NTN1: variants seen among roughly 807,000 people sequenced by gnomAD.
NTN1 encodes netrin 1, also known as netrin-1.
A neutral mutation model predicts 54.2 loss-of-function variants in NTN1; 11 were observed. The observed-to-expected ratio is 0.20, with a 90% CI of 0.13 to 0.34. The LOEUF is 0.34. Among genes scored for constraint, NTN1 ranks in the 10% least tolerant of loss-of-function variants. NTN1 has a pLI of 1.00. For missense variants in NTN1, 740 were observed against 893.1 expected (o/e 0.83, Z 2.18); for synonymous variants, 371 against 382.0 (o/e 0.97, Z 0.33).
In NTN1 at chr17:9,165,898, T is replaced by G. The variant is rs2092371719; in HGVS notation, c.1207+2897T>G. On this transcript the variant is annotated intron_variant, in intron 3 of 6. Coordinates refer to ENST00000173229, the MANE Select transcript of NTN1 (RefSeq NM_004822.3). This position sits in a 1 kb window ranked among gnomAD's most constrained non-coding sequence, Gnocchi z 4.5. ...GATTGGCAAGAAAATATCTACTCTCTGATTGGTGAGCAAAAATTTGACCCA... is the reference window on the plus strand; with the variant it reads ...GATTGGCAAGAAAATATCTACTCTCGGATTGGTGAGCAAAAATTTGACCCA... Among the ~76,000 whole-genome samples, 1 of 152,184 alleles carries G rather than the reference T, an allele frequency of 6.6e-6. No homozygotes were observed. Among genetic ancestry groups the G allele is most frequent in the Non-Finnish European group, 1.5e-5 (1 of 68,022 alleles).
At chr17:9,048,002 C>A (rs754138529) in intron 2 of NTN1, among the ~76,000 whole-genome samples, 1 of 152,046 alleles carries the variant, frequency 6.6e-6, no homozygotes, top group African/African-American at 2.4e-5. Flanking sequence ...GGCTGAATCA[C>A]GAGTTTTCTT....
At chr17:9,012,031 G>A in the NTN1 span, among the ~76,000 whole-genome samples, 5 of 152,204 alleles carry the variant, frequency 3.3e-5, no homozygotes, top group African/African-American at 1.2e-4. Flanking sequence ...TGAGGGAAAA[G>A]AATAGTTCCT....
chr17:9,179,450 T>A (rs1226632608), intron 3 of NTN1, among the ~76,000 whole-genome samples: 1 of 152,114 alleles, frequency 6.6e-6, no homozygotes, highest in East Asian at 1.9e-4. Flanking sequence ...GGAAGGTGTA[T>A]CCCCCGATCC....
Position 9,243,312 on chromosome 17 carries a change from C to T in NTN1, c.*3344C>T, listed in dbSNP as rs1567751618. On this transcript the variant is annotated 3_prime_UTR_variant, in exon 7 of 7. Coordinates refer to ENST00000173229, the MANE Select transcript of NTN1 (RefSeq NM_004822.3). ...CAGCCCAGGGAGGCTGGGAGCTGCT[C>T]CAAGGCCCTGGAACTCTGCCTCAGT... is the stretch of plus-strand genomic sequence containing the variant. 1 of 152,250 alleles carries T rather than the reference C, an allele frequency of 6.6e-6. No individual in the cohort carries two copies. The allele number at this position is 152,250 out of a possible 1,614,324, so 9.4% of individuals were successfully genotyped here. A position where few individuals can be genotyped will look rare whatever the true frequency, so the allele number is the denominator to read the frequency against.
intron 2 of NTN1, among the ~76,000 whole-genome samples, chr17:9,054,974 GC>G (rs1737727608): frequency 6.6e-6 from 1 of 152,270 alleles, no homozygotes; most frequent in East Asian, 1.9e-4. Flanking sequence ...AGTTTTATCT[GC>G]GTTATGAAAA....
intron 2 of NTN1, among the ~76,000 whole-genome samples, chr17:9,046,520 C>T (rs2091941847): frequency 6.6e-6 from 1 of 152,198 alleles, no homozygotes; most frequent in Non-Finnish European, 1.5e-5. Flanking sequence ...GGCATGGTGG[C>T]TCATGCCTAC....
intron 2 of NTN1, among the ~76,000 whole-genome samples, chr17:9,034,904 CT>C (rs1219399710): frequency 6.6e-6 from 1 of 152,196 alleles, no homozygotes. Context: ...ACCACGCCCC[CT>C]ACCCACCATA....
At chr17:9,169,230 G>A (rs1445101891) in intron 3 of NTN1, among the ~76,000 whole-genome samples, 1 of 152,194 alleles carries the variant, frequency 6.6e-6, no homozygotes, top group African/African-American at 2.4e-5. Context: ...TTCCAGCTTT[G>A]ACATTCCACA....
intron 5 of NTN1, among the ~76,000 whole-genome samples, chr17:9,194,090 G>A (rs148772982): frequency 1.3e-3 from 195 of 151,928 alleles, no homozygotes; most frequent in African/African-American, 4.4e-3. Flanking sequence ...ACAAAAATCA[G>A]CTGGACATGG....
chr17:9,102,939 C>T (rs2092155122), intron 2 of NTN1, among the ~76,000 whole-genome samples: 1 of 152,106 alleles, frequency 6.6e-6, no homozygotes, highest in South Asian at 2.1e-4. Flanking sequence ...TTGGCAGTCA[C>T]GATATTGGCT....
chr17:9,174,926 AAGCTGCTCCAGAGG>A (rs1199380684), intron 3 of NTN1: 1 of 152,730 alleles, frequency 6.5e-6, no homozygotes, highest in Non-Finnish European at 1.5e-5. Flanking sequence ...GTCCTACCTG[AAGCTGCTCCAGAGG>A]AGCTCATGCC....
the NTN1 span, among the ~76,000 whole-genome samples, chr17:9,007,703 C>A: frequency 6.8e-6 from 1 of 148,096 alleles, no homozygotes; most frequent in Non-Finnish European, 1.5e-5. Context: ...TTCCTTTCTT[C>A]CTTTCTTCCC....
chr17:9,159,660 G>A (rs942507731), intron 2 of NTN1, among the ~76,000 whole-genome samples: 3 of 152,096 alleles, frequency 2.0e-5, no homozygotes, highest in Non-Finnish European at 2.9e-5. Flanking sequence ...AATTAGCCGG[G>A]TGTGGTGGCA....
intron 5 of NTN1, among the ~76,000 whole-genome samples, chr17:9,191,409 G>A (rs147489439): frequency 0.016 from 2,404 of 152,324 alleles, 65 homozygotes; most frequent in African/African-American, 0.053. Flanking sequence ...GCGGTGAGCC[G>A]AGATGGTGCC....
intron 6 of NTN1, among the ~76,000 whole-genome samples, chr17:9,226,335 C>T (rs1905547193): frequency 6.6e-6 from 1 of 152,038 alleles, no homozygotes; most frequent in Non-Finnish European, 1.5e-5. Flanking sequence ...TAGTGGAGGG[C>T]ACATGATATC....
chr17:9,034,708 C>T (rs2091898023), intron 2 of NTN1, among the ~76,000 whole-genome samples: 1 of 152,036 alleles, frequency 6.6e-6, no homozygotes, highest in African/African-American at 2.4e-5. Context: ...CAGGGGTGAG[C>T]CACTGCGCCT....
intron 2 of NTN1, among the ~76,000 whole-genome samples, chr17:9,090,654 C>T (rs1597484002): frequency 6.6e-6 from 1 of 152,176 alleles, no homozygotes; most frequent in African/African-American, 2.4e-5. Context: ...GCTGGCTTCC[C>T]GCTGCTTGTC....
chr17:9,177,029 C>G (rs2092401919), intron 3 of NTN1: 2 of 152,290 alleles, frequency 1.3e-5, no homozygotes, highest in South Asian at 4.1e-4. Context: ...CTTGGGCAGC[C>G]CCTTTGGGAC....
chr17:9,223,746 A>G lies in NTN1; in HGVS notation c.1486+2504A>G, dbSNP rs187734597. Among the ~76,000 whole-genome samples, 655 of 152,214 alleles carry G rather than the reference A, an allele frequency of 4.3e-3. 2 individuals carry two copies. The highest frequency in any genetic ancestry group is 0.016 in the South Asian group (78 of 4,822). ...CGCCCAAGGCTCTTGTAGCTTTCCT[A>G]GGCTTTGGACCTGGGCACCGCAGCA... On this transcript the variant is annotated intron_variant, in intron 6 of 6. Transcript: ENST00000173229.
Sources: allele counts gnomAD v4.1 joint callset (sites outside exome capture counted in the v4.1 genomes callset), GRCh38; gene constraint gnomAD v4.1.1; non-coding constraint Gnocchi (gnomAD v3.1); transcripts MANE v1.5; gene names NCBI Gene and HGNC (gene_info 2026-07-23, HGNC 2026-07-21).